Variants in CDCA7L observed in about 807,000 individuals in gnomAD.
CDCA7L encodes cell division cycle-associated 7-like protein.
In CDCA7L, 44 loss-of-function variants were observed where a neutral mutation model predicts 57.4. The observed-to-expected ratio is 0.77, with a 90% CI of 0.60 to 0.98. The LOEUF is 0.98. Ranked by LOEUF, CDCA7L falls within the 50% of genes least tolerant of loss-of-function variation. The probability of loss-of-function intolerance (pLI) is 0.00; values close to 1 mark genes in which losing one functional copy is unlikely to be tolerated. For missense variants in CDCA7L, 644 were observed against 580.6 expected, an observed-to-expected ratio of 1.11 and a Z score of -1.12; for synonymous variants, 236 against 202.8, an observed-to-expected ratio of 1.16 and a Z score of -1.39.
chr7:21,944,772 C>G (rs1431304509), intron 1 of CDCA7L: 3 of 151,928 alleles, frequency 2.0e-5, no homozygotes, highest in African/African-American at 4.8e-5. Flanking sequence ...CTGGCGGCCC[C>G]GCCTCCCCTT....
chr7:21,906,666 C>A (rs369958207), intron 4 of CDCA7L, 27 bp from the exon 5 acceptor site: 3 of 1,611,882 alleles, frequency 1.9e-6, no homozygotes, highest in African/African-American at 2.7e-5. Context: ...AAGAAAGAAT[C>A]TTACAAAAAT....
chr7:21,910,381 T>C (rs572825370), intron 3 of CDCA7L, among the ~76,000 whole-genome samples: 10 of 152,272 alleles, frequency 6.6e-5, no homozygotes, highest in Non-Finnish European at 8.8e-5. Flanking sequence ...TTGCTACTCA[T>C]AGCAAAAAAT....
intron 1 of CDCA7L, among the ~76,000 whole-genome samples, chr7:21,922,810 A>G (rs1785696749): frequency 6.6e-6 from 1 of 152,236 alleles, no homozygotes; most frequent in South Asian, 2.1e-4. Flanking sequence ...TGAGACATAC[A>G]TATAATTGAA....
intron 9 of CDCA7L, 133 bp downstream of exon 9, chr7:21,902,845 A>G (rs1038851195): frequency 1.3e-6 from 1 of 755,828 alleles, no homozygotes; most frequent in African/African-American, 1.7e-5. Context: ...AAACAGATAC[A>G]GAATGGATGG....
At chr7:21,918,919 T>G (rs2128062812) in intron 1 of CDCA7L, among the ~76,000 whole-genome samples, 1 of 152,330 alleles carries the variant, frequency 6.6e-6, no homozygotes, top group South Asian at 2.1e-4. Context: ...GACTTGAGAT[T>G]CTGTGAATAG....
chr7:21,908,170 A>C lies in CDCA7L; in HGVS notation c.641T>G (p.Leu214Trp). Residue 214 changes from leucine to tryptophan, a missense_variant, in exon 4 of 10, where the codon TTG becomes TGG. By Grantham distance (61) the Leu-to-Trp change is moderately conservative. Coordinates refer to ENST00000406877, the MANE Select transcript of CDCA7L (RefSeq NM_018719.5). ...CTTGATGTTCATGGTCCTTTTCAGC[A>C]AAGCATCTGAACTCTCCTGGCTCTC... ...RDESQESSDALLKRTMNIKEN... is the reference protein window; with the variant it reads ...RDESQESSDAWLKRTMNIKEN... 6.3e-7 allele frequency: 1 copy of C among 1,582,356 alleles called. No individual in the cohort carries two copies. Among genetic ancestry groups the C allele is most frequent in the South Asian group, 1.2e-5 (1 of 85,736 alleles).
intron 1 of CDCA7L, among the ~76,000 whole-genome samples, chr7:21,945,160 G>C (rs1398478677): frequency 6.6e-6 from 1 of 152,068 alleles, no homozygotes; most frequent in Non-Finnish European, 1.5e-5. Context: ...AGACGAGTTA[G>C]GCCCTTAACG....
At chr7:21,939,914 C>G (rs1344259599) in intron 1 of CDCA7L, among the ~76,000 whole-genome samples, 1 of 141,562 alleles carries the variant, frequency 7.1e-6, no homozygotes, top group Non-Finnish European at 1.5e-5. Flanking sequence ...ATATGACAAG[C>G]TATAAAGCAG....
chr7:21,930,588 T>C (rs183054517), intron 1 of CDCA7L, among the ~76,000 whole-genome samples: 19 of 149,966 alleles, frequency 1.3e-4, no homozygotes, highest in African/African-American at 4.7e-4. Flanking sequence ...TCCCAGCCAC[T>C]TGGGAGGCTG....
intron 3 of CDCA7L, among the ~76,000 whole-genome samples, chr7:21,910,414 C>T (rs139340010): frequency 3.2e-4 from 48 of 152,268 alleles, no homozygotes; most frequent in African/African-American, 1.1e-3. Context: ...AAGCAGCCTA[C>T]CATGCGGGCT....
chr7:21,930,672 C>T lies in CDCA7L; in HGVS notation c.25-13778G>A, dbSNP rs1292938064. On this transcript the variant is annotated intron_variant, in intron 1 of 9. Transcript: ENST00000406877. ...AAGATTACGCCATTGCACTCCAGCCCCGGCAACAGTGCAAGACTCCGTCTC... is the reference window on the plus strand; with the variant it reads ...AAGATTACGCCATTGCACTCCAGCCTCGGCAACAGTGCAAGACTCCGTCTC... 5.6e-5 allele frequency among the ~76,000 whole-genome samples: 8 copies of T among 143,244 alleles called. No individual in the cohort carries two copies. The East Asian group carries it at 1.6e-3, about 29-fold the overall frequency. The allele number at this position is 143,244 out of a possible 152,430, so 94.0% of individuals were successfully genotyped here.
At chr7:21,943,665 C>A (rs1408377207) in intron 1 of CDCA7L, among the ~76,000 whole-genome samples, 2 of 151,776 alleles carry the variant, frequency 1.3e-5, no homozygotes. Context: ...TGAACAGGAA[C>A]ATTTCCACTG....
At chr7:21,934,069 A>G (rs963569957) in intron 1 of CDCA7L, among the ~76,000 whole-genome samples, 10 of 152,186 alleles carry the variant, frequency 6.6e-5, no homozygotes, top group African/African-American at 2.4e-4. Flanking sequence ...CATTTACATG[A>G]AAGTCACTAC....
At chr7:21,916,016 G>C (rs889069075) in intron 2 of CDCA7L, among the ~76,000 whole-genome samples, 17 of 152,198 alleles carry the variant, frequency 1.1e-4, no homozygotes, top group African/African-American at 4.1e-4. Flanking sequence ...AGAACTTACA[G>C]TGGCCCACGT....
intron 2 of CDCA7L, among the ~76,000 whole-genome samples, chr7:21,913,151 T>C (rs913428459): frequency 6.6e-6 from 1 of 152,170 alleles, no homozygotes; most frequent in Non-Finnish European, 1.5e-5. Context: ...CATATATCTC[T>C]GGGGAAAGAT....
chr7:21,939,055 G>C (rs1786262635), intron 1 of CDCA7L, among the ~76,000 whole-genome samples: 1 of 152,066 alleles, frequency 6.6e-6, no homozygotes, highest in African/African-American at 2.4e-5. Context: ...CTATAACATG[G>C]ATAAACTTTA....
At chr7:21,928,019 G>T (rs535436654) in intron 1 of CDCA7L, among the ~76,000 whole-genome samples, 8 of 152,318 alleles carry the variant, frequency 5.3e-5, no homozygotes, top group African/African-American at 1.7e-4. Context: ...CTCCTGACTG[G>T]GAGACACTTC....
chr7:21,912,253 C>T (rs1188319457), intron 2 of CDCA7L, among the ~76,000 whole-genome samples: 2 of 152,094 alleles, frequency 1.3e-5, no homozygotes, highest in Non-Finnish European at 2.9e-5. Flanking sequence ...CAAGATCACA[C>T]CATTGCACTC....
chr7:21,945,891 C>T lies in CDCA7L; in HGVS notation c.-87G>A. The T allele has an allele frequency of 7.0e-7, 1 of 1,434,714 alleles. No homozygotes were observed. The highest frequency in any genetic ancestry group is 9.4e-7 in the Non-Finnish European group (1 of 1,069,516). The allele number at this position is 1,434,714 out of a possible 1,614,324, so 88.9% of individuals were successfully genotyped here. ...GGCCCGGCGCACCAAGAACGCCCCG[C>T]GCCCGAGCAGCTAGCGCGCTCCGCC... is the stretch of plus-strand genomic sequence containing the variant. On this transcript the variant is annotated 5_prime_UTR_variant, in exon 1 of 10. Transcript: ENST00000406877.
Sources: gnomAD v4.1 joint callset for allele counts (sites outside exome capture counted in the v4.1 genomes callset) on GRCh38, gnomAD v4.1.1 for gene constraint, MANE v1.5 for transcripts, NCBI Gene and HGNC (gene_info 2026-07-23, HGNC 2026-07-21) for gene names.